The following EPHA6 variants were observed in gnomAD, a reference collection of about 807,000 sequenced individuals.
The protein encoded by EPHA6 is EPH receptor A6.
Under a neutral mutation model 112.0 loss-of-function variants are expected in EPHA6, and 50 were observed. The observed-to-expected ratio is 0.45, with a 90% CI of 0.36 to 0.56. The LOEUF is 0.56. EPHA6 is among the 20% of genes least tolerant of loss of function. The pLI is 0.00. For missense variants in EPHA6, 1,280 were observed against 1,417.4 expected (o/e 0.90, Z 1.56); for synonymous variants, 529 against 490.7 (o/e 1.08, Z -1.03).
At chr3:97,611,681 GTCTATCTA>G (rs931708713) in intron 13 of EPHA6, among the ~76,000 whole-genome samples, 2 of 151,534 alleles carry the variant, frequency 1.3e-5, no homozygotes, top group Non-Finnish European at 2.9e-5. Context: ...CTGTCTATCT[GTCTATCTA>G]TCTATATATA....
rs909084478 is a variant in EPHA6 at position 97,749,846 on chromosome 3, G to A, written c.*1145G>A. ...GCAAAAATAGTTACATGAACATGCT[G>A]AGCTCTTTTCGAAACCTTCTAAGAA... On this transcript the variant is annotated 3_prime_UTR_variant, in exon 18 of 18. Coordinates refer to ENST00000389672, the MANE Select transcript of EPHA6 (RefSeq NM_001080448.3). Among the ~76,000 whole-genome samples the A allele has an allele frequency of 6.6e-6, 1 of 152,234 alleles. No homozygotes were observed. Among genetic ancestry groups the A allele is most frequent in the African/African-American group, 2.4e-5 (1 of 41,520 alleles).
At chr3:97,407,968 A>T (rs780561693) in intron 6 of EPHA6, among the ~76,000 whole-genome samples, 1 of 152,032 alleles carries the variant, frequency 6.6e-6, no homozygotes, top group Admixed American at 6.6e-5. Flanking sequence ...ACATAAATTT[A>T]TTTCTCACAG....
chr3:97,418,980 C>A (rs895771668), intron 6 of EPHA6, among the ~76,000 whole-genome samples: 1 of 151,990 alleles, frequency 6.6e-6, no homozygotes, highest in Non-Finnish European at 1.5e-5. Flanking sequence ...GTAATGAAGT[C>A]AAAAAATTAA....
chr3:97,146,674 G>C (rs995690747), intron 3 of EPHA6, among the ~76,000 whole-genome samples: 27 of 151,876 alleles, frequency 1.8e-4, no homozygotes, highest in African/African-American at 6.3e-4. Context: ...AATTTTTCAT[G>C]TTCAATTTTA....
intron 5 of EPHA6, among the ~76,000 whole-genome samples, chr3:97,260,579 C>G (rs1205077028): frequency 1.3e-5 from 2 of 152,090 alleles, no homozygotes; most frequent in Non-Finnish European, 2.9e-5. Flanking sequence ...GGGGATTGTT[C>G]TTTTAAGGAA....
chr3:97,013,079 G>A (rs1001907427), intron 3 of EPHA6, among the ~76,000 whole-genome samples: 1 of 152,052 alleles, frequency 6.6e-6, no homozygotes, highest in African/African-American at 2.4e-5. Flanking sequence ...TTCTTTTGCT[G>A]TGTAGAAGCT....
chr3:97,735,902 A>G (rs1285248305), intron 15 of EPHA6, 23 bp from the exon 16 acceptor site: 1 of 1,512,838 alleles, frequency 6.6e-7, no homozygotes, highest in South Asian at 1.3e-5. Context: ...ATAAGAGAGT[A>G]ATCTGTATAT....
At chr3:97,334,315 G>C (rs925242786) in intron 5 of EPHA6, among the ~76,000 whole-genome samples, 2 of 151,734 alleles carry the variant, frequency 1.3e-5, no homozygotes, top group Non-Finnish European at 2.9e-5. Context: ...GAGTTAAAAA[G>C]CATTCTCTAC....
chr3:97,268,502 G>A (rs2108635365), intron 5 of EPHA6, among the ~76,000 whole-genome samples: 1 of 152,224 alleles, frequency 6.6e-6, no homozygotes, highest in East Asian at 1.9e-4. Context: ...ACAATATTTA[G>A]AACATACTTC....
intron 10 of EPHA6, among the ~76,000 whole-genome samples, chr3:97,494,198 C>T (rs549810701): frequency 6.6e-6 from 1 of 152,226 alleles, no homozygotes; most frequent in Non-Finnish European, 1.5e-5. Flanking sequence ...CCACTGTTCC[C>T]TGATTATAAT....
chr3:96,853,653 C>A (rs1173661013), intron 1 of EPHA6, among the ~76,000 whole-genome samples: 1 of 151,816 alleles, frequency 6.6e-6, no homozygotes, highest in East Asian at 1.9e-4. Context: ...ACATTAAATT[C>A]TAAAATTAAT....
At chr3:97,191,194 C>T (rs192009759) in intron 3 of EPHA6, among the ~76,000 whole-genome samples, 1 of 152,080 alleles carries the variant, frequency 6.6e-6, no homozygotes, top group East Asian at 1.9e-4. Flanking sequence ...TTCATGGGTA[C>T]ATAGTAGGTA....
chr3:97,724,816 A>C (rs930680943), intron 15 of EPHA6, among the ~76,000 whole-genome samples: 5 of 152,034 alleles, frequency 3.3e-5, no homozygotes, highest in Admixed American at 1.3e-4. Flanking sequence ...CCCACTATGT[A>C]GGTAATGAGA....
intron 11 of EPHA6, among the ~76,000 whole-genome samples, chr3:97,566,614 G>T (rs539219230): frequency 1.1e-4 from 16 of 152,220 alleles, no homozygotes; most frequent in African/African-American, 3.6e-4. Flanking sequence ...AGAAATGTTA[G>T]AAACCCAAGT....
At chr3:96,917,143 G>A (rs181795272) in intron 2 of EPHA6, among the ~76,000 whole-genome samples, 71 of 151,956 alleles carry the variant, frequency 4.7e-4, no homozygotes, top group Non-Finnish European at 8.4e-4. Context: ...TTTTTTGGCC[G>A]GGTGTGGTGG....
In EPHA6 at chr3:97,304,869, A is replaced by G. The variant is rs563330933; in HGVS notation, c.1606+60582A>G. ...CAGAAACAACAAAAGCAATTGCAAC[A>G]AAAGCAAAAATTGACAAATGGGGTC... On this transcript the variant is annotated intron_variant, in intron 5 of 17. Transcript: ENST00000389672. Among the ~76,000 whole-genome samples, 3 of 152,212 alleles carry G rather than the reference A, an allele frequency of 2.0e-5. No homozygotes were observed. In the South Asian group the frequency reaches 6.2e-4, roughly 32 times the overall value.
chr3:97,276,022 G>T (rs1472600627), intron 5 of EPHA6, among the ~76,000 whole-genome samples: 1 of 152,126 alleles, frequency 6.6e-6, no homozygotes, highest in Non-Finnish European at 1.5e-5. Flanking sequence ...CAAGTTGGCA[G>T]CAGAGTTGGG....
intron 10 of EPHA6, among the ~76,000 whole-genome samples, chr3:97,519,447 G>A (rs2092501747): frequency 6.6e-6 from 1 of 152,122 alleles, no homozygotes; most frequent in Non-Finnish European, 1.5e-5. Flanking sequence ...CTTTTGCTCA[G>A]GATTGCTTTG....
chr3:97,426,377 C>G (rs766060065), intron 6 of EPHA6, among the ~76,000 whole-genome samples: 1 of 152,130 alleles, frequency 6.6e-6, no homozygotes, highest in African/African-American at 2.4e-5. Flanking sequence ...TCAAATCTCA[C>G]GAGGCTAATT....
Sources: gnomAD v4.1 joint callset for allele counts (sites outside exome capture counted in the v4.1 genomes callset) on GRCh38, gnomAD v4.1.1 for gene constraint, MANE v1.5 for transcripts, NCBI Gene and HGNC (gene_info 2026-07-23, HGNC 2026-07-21) for gene names.